TRPC4: variants seen among roughly 807,000 people sequenced by gnomAD.
TRPC4 encodes short transient receptor potential channel 4.
Under a neutral mutation model 99.4 loss-of-function variants are expected in TRPC4, and 49 were observed. The ratio of observed to expected loss-of-function variants is 0.49; its 90% CI spans 0.39 to 0.63. The LOEUF is 0.63. Ranked by LOEUF, TRPC4 falls within the 20% of genes least tolerant of loss-of-function variation. The probability of loss-of-function intolerance (pLI) is 0.00; values close to 1 mark genes in which losing one functional copy is unlikely to be tolerated. For missense variants in TRPC4, 898 were observed against 1,152.9 expected (o/e 0.78, Z 3.20); for synonymous variants, 454 against 425.9 (o/e 1.07, Z -0.81).
chr13:37,833,303 A>G (rs1958471937), intron 1 of TRPC4, among the ~76,000 whole-genome samples: 1 of 152,034 alleles, frequency 6.6e-6, no homozygotes, highest in Non-Finnish European at 1.5e-5. Flanking sequence ...CTCATGATTT[A>G]TGAGCTCAGT....
intron 1 of TRPC4, among the ~76,000 whole-genome samples, chr13:37,826,634 A>G (rs140981727): frequency 0.32 from 48,236 of 151,214 alleles, 7,918 homozygotes; most frequent in East Asian, 0.42. Flanking sequence ...GGTTTCTGCC[A>G]AGAGATCCGC....
intron 3 of TRPC4, among the ~76,000 whole-genome samples, chr13:37,700,260 A>AC (rs1420863184): frequency 2.6e-5 from 4 of 152,242 alleles, no homozygotes; most frequent in Non-Finnish European, 5.9e-5. Context: ...TGAAGAAAGC[A>AC]CCATTTGACT....
intron 1 of TRPC4, among the ~76,000 whole-genome samples, chr13:37,849,145 G>A (rs1048421612): frequency 1.3e-5 from 2 of 152,252 alleles, no homozygotes; most frequent in South Asian, 2.1e-4. Flanking sequence ...GGAGGCTCAC[G>A]CCCTTCATAG....
intron 2 of TRPC4, among the ~76,000 whole-genome samples, chr13:37,760,482 G>A (rs1179838756): frequency 6.6e-6 from 1 of 151,894 alleles, no homozygotes; most frequent in Non-Finnish European, 1.5e-5. Flanking sequence ...CAAGTCAAGA[G>A]GAACCCATTT....
In TRPC4 at chr13:37,644,574, A is replaced by G. The variant is rs1951812480; in HGVS notation, c.2080-5275T>C. On this transcript the variant is annotated intron_variant, in intron 8 of 10. Transcript: ENST00000379705. Reference sequence around the variant, plus strand: ...CTCAAGTGTACAATATCACATAGAAATTTCTGGAACTTGTGGCCGGGCGCG... The same window carrying G: ...CTCAAGTGTACAATATCACATAGAAGTTTCTGGAACTTGTGGCCGGGCGCG... 2.0e-5 allele frequency among the ~76,000 whole-genome samples: 3 copies of G among 152,156 alleles called. No homozygotes were observed. The South Asian group carries it at 6.2e-4, about 32-fold the overall frequency.
chr13:37,799,379 G>A (rs1222050217), intron 1 of TRPC4, among the ~76,000 whole-genome samples: 3 of 151,932 alleles, frequency 2.0e-5, no homozygotes, highest in Non-Finnish European at 4.4e-5. Context: ...TTTGTTTTCT[G>A]TTCCTTCTAC....
At chr13:37,869,317 C>G (rs559134783) in intron 1 of TRPC4, among the ~76,000 whole-genome samples, 10 of 152,304 alleles carry the variant, frequency 6.6e-5, no homozygotes, top group African/African-American at 2.4e-4. Flanking sequence ...TCCTCGCCCT[C>G]TCCCCTGCTT....
At chr13:37,756,053 C>T (rs898657131) in intron 2 of TRPC4, among the ~76,000 whole-genome samples, 1 of 151,914 alleles carries the variant, frequency 6.6e-6, no homozygotes, top group African/African-American at 2.4e-5. Flanking sequence ...CAAATCAACA[C>T]AAGAAATTTC....
chr13:37,746,637 A>C (rs992409287), intron 2 of TRPC4, among the ~76,000 whole-genome samples, 182 bp from the exon 3 acceptor site: 1 of 151,770 alleles, frequency 6.6e-6, no homozygotes, highest in Non-Finnish European at 1.5e-5. Flanking sequence ...TGGAAAAAAA[A>C]ACTTTCCAAT....
intron 6 of TRPC4, among the ~76,000 whole-genome samples, chr13:37,657,283 T>C (rs1952270474): frequency 1.3e-5 from 2 of 152,224 alleles, no homozygotes; most frequent in African/African-American, 2.4e-5. Context: ...GGTGATCACA[T>C]ATTCTTAGAG....
chr13:37,724,479 T>G (rs1424116752), intron 3 of TRPC4, among the ~76,000 whole-genome samples: 2 of 152,218 alleles, frequency 1.3e-5, no homozygotes, highest in Non-Finnish European at 2.9e-5. Context: ...TAGTTAGGTA[T>G]TCTGTAATTC....
intron 2 of TRPC4, among the ~76,000 whole-genome samples, chr13:37,757,421 C>G (rs923969686): frequency 8.6e-5 from 13 of 151,936 alleles, no homozygotes; most frequent in Admixed American, 6.6e-5. Flanking sequence ...GCTCTTAAGT[C>G]TAAGTAAATT....
intron 1 of TRPC4, among the ~76,000 whole-genome samples, chr13:37,819,366 A>G (rs778240012): frequency 2.4e-4 from 37 of 152,114 alleles, no homozygotes; most frequent in Non-Finnish European, 1.2e-4. Context: ...CTAATAAAAG[A>G]CACATGAATG....
intron 1 of TRPC4, among the ~76,000 whole-genome samples, chr13:37,799,058 A>G (rs1263517573): frequency 6.6e-6 from 1 of 151,824 alleles, no homozygotes; most frequent in Non-Finnish European, 1.5e-5. Flanking sequence ...CAGCCTCCCA[A>G]GTAGCTGGGA....
chr13:37,857,365 A>G (rs978314030), intron 1 of TRPC4, among the ~76,000 whole-genome samples: 2 of 151,730 alleles, frequency 1.3e-5, no homozygotes, highest in African/African-American at 4.8e-5. Context: ...TAAAAATTCA[A>G]TGCAATCTCT....
At chr13:37,734,829 A>AT (rs562806449) in intron 3 of TRPC4, among the ~76,000 whole-genome samples, 9 of 151,646 alleles carry the variant, frequency 5.9e-5, no homozygotes, top group South Asian at 2.1e-4. Context: ...GTTGTGTAGA[A>AT]TTTTTTTTTC....
At chr13:37,770,875 T>C (rs925420241) in intron 2 of TRPC4, among the ~76,000 whole-genome samples, 1 of 151,658 alleles carries the variant, frequency 6.6e-6, no homozygotes, top group Admixed American at 6.6e-5. Flanking sequence ...TACTACACTT[T>C]TCCCCAAACC....
intron 2 of TRPC4, among the ~76,000 whole-genome samples, chr13:37,776,275 A>G (rs981775254): frequency 1.3e-5 from 2 of 151,878 alleles, no homozygotes; most frequent in African/African-American, 4.8e-5. Flanking sequence ...GATCCTTTTC[A>G]GCTTTTTAAT....
chr13:37,698,167 C>T (rs1161271862), intron 3 of TRPC4, among the ~76,000 whole-genome samples: 10 of 42,554 alleles, frequency 2.3e-4, no homozygotes, highest in South Asian at 1.5e-3. Context: ...AAGGACTAAC[C>T]TTTTTTTTTT....
Sources: gnomAD v4.1 joint callset for allele counts (sites outside exome capture counted in the v4.1 genomes callset) on GRCh38, gnomAD v4.1.1 for gene constraint, MANE v1.5 for transcripts, NCBI Gene and HGNC (gene_info 2026-07-23, HGNC 2026-07-21) for gene names.